The following ZNF236 variants were observed in gnomAD, a reference collection of about 807,000 sequenced individuals.
ZNF236 encodes the protein regulated by glucose.
In ZNF236, 50 loss-of-function variants were observed where a neutral mutation model predicts 191.2. That is an observed-to-expected ratio of 0.26 (90% confidence interval 0.21 to 0.33). The LOEUF (loss-of-function observed/expected upper bound fraction) is 0.33. Ranked by LOEUF, ZNF236 falls within the 10% of genes least tolerant of loss-of-function variation. ZNF236 has a pLI of 1.00. For synonymous variants in ZNF236, 907 were observed against 928.8 expected (o/e 0.98, Z 0.43); for missense variants, 1,754 against 2,374.5 (o/e 0.74, Z 5.43).
Position 76,937,361 on chromosome 18 carries a change from A to T in ZNF236, c.4782+18A>T. 1 of 1,562,078 alleles carries T rather than the reference A, an allele frequency of 6.4e-7. No individual in the cohort carries two copies. The highest frequency in any genetic ancestry group is 2.3e-5 in the East Asian group (1 of 43,948). The stretch of plus-strand genomic sequence containing the variant: ...CCTCTCAGGCAAGTGCTCCTCAGAG[A>T]GGGATGCGAAGGTCCTTTCAAAAAG... On this transcript the variant is annotated intron_variant, in intron 26 of 30. Coordinates refer to ENST00000320610, the MANE Select transcript of ZNF236 (RefSeq NM_001306089.2).
At chr18:76,865,097 G>A (rs1976368954) in intron 3 of ZNF236, among the ~76,000 whole-genome samples, 1 of 152,180 alleles carries the variant, frequency 6.6e-6, no homozygotes, top group Non-Finnish European at 1.5e-5. Context: ...AGCACTTTGG[G>A]AGGCCGAGGC....
intron 9 of ZNF236, 32 bp from the exon 10 acceptor site, chr18:76,894,981 G>A (rs1439855899): frequency 1.4e-5 from 23 of 1,601,532 alleles, no homozygotes; most frequent in Non-Finnish European, 1.9e-5. Flanking sequence ...GGGGTGTCCA[G>A]GCCAAGCGGG....
At chr18:76,943,663 G>A (rs934621231) in intron 26 of ZNF236, among the ~76,000 whole-genome samples, 6 of 152,144 alleles carry the variant, frequency 3.9e-5, no homozygotes, top group African/African-American at 1.4e-4. Flanking sequence ...CCAGAAATTG[G>A]CAAATCTTAT....
intron 1 of ZNF236, among the ~76,000 whole-genome samples, chr18:76,833,565 C>G (rs1027431255): frequency 6.6e-6 from 1 of 151,982 alleles, no homozygotes; most frequent in Non-Finnish European, 1.5e-5. Flanking sequence ...CGATATTATT[C>G]TTTTTTGTAT....
At chr18:76,918,712 G>A (rs1170942285) in intron 19 of ZNF236, among the ~76,000 whole-genome samples, 17 of 152,106 alleles carry the variant, frequency 1.1e-4, no homozygotes, top group Non-Finnish European at 2.4e-4. Context: ...GCGCCCCCAT[G>A]CCTGGTTAAT....
At chr18:76,903,819 T>G (rs1480412276) in intron 11 of ZNF236, among the ~76,000 whole-genome samples, 1 of 151,718 alleles carries the variant, frequency 6.6e-6, no homozygotes, top group East Asian at 1.9e-4. Context: ...AATTACTAAT[T>G]TTGTTATTTG....
At chr18:76,909,647 T>C (rs2122762144) in intron 14 of ZNF236, among the ~76,000 whole-genome samples, 1 of 152,356 alleles carries the variant, frequency 6.6e-6, no homozygotes, top group African/African-American at 2.4e-5. Context: ...GGCACAGGCT[T>C]CTTATCTCAC....
At chr18:76,854,599 CTT>C (rs1001272930) in intron 3 of ZNF236, among the ~76,000 whole-genome samples, 134 of 147,386 alleles carry the variant, frequency 9.1e-4, no homozygotes, top group African/African-American at 3.1e-3. Context: ...AAAAAAAAGT[CTT>C]TGGCATCTGG....
Position 76,928,097 on chromosome 18 carries a change from A to C in ZNF236, c.4585A>C (p.Thr1529Pro), listed in dbSNP as rs1222017859. Residue 1529 changes from threonine (T) to proline (P), a missense_variant, in exon 25 of 31, where the codon ACT becomes CCT. This residue lies in a region of ZNF236 where 606 missense variants were observed against 761.5 expected (regional missense o/e 0.80). Coordinates refer to ENST00000320610, the MANE Select transcript of ZNF236 (RefSeq NM_001306089.2). The part of the protein sequence containing the change: ...SSGSPQEITL[T>P]ISELNTTSGS... ...GGGGTCTCCACAGGAAATTACCCTGACTATCTCCGGTTAGTAAGTTATAAT... is the reference window on the plus strand; with the variant it reads ...GGGGTCTCCACAGGAAATTACCCTGCCTATCTCCGGTTAGTAAGTTATAAT... The C allele has an allele frequency of 6.2e-7, 1 of 1,608,772 alleles. No individual in the cohort carries two copies. The highest frequency in any genetic ancestry group is 8.5e-7 in the Non-Finnish European group (1 of 1,177,758).
chr18:76,849,655 A>G lies in ZNF236; in HGVS notation c.185A>G (p.Glu62Gly). 1.3e-6 allele frequency: 2 copies of G among 1,586,104 alleles called. No individual in the cohort carries two copies. Among genetic ancestry groups the G allele is most frequent in the Non-Finnish European group, 1.7e-6 (2 of 1,169,986 alleles). The change falls in exon 2 of 31, where the codon GAG (glutamate) becomes GGG (glycine). Residue 62 changes from glutamate to glycine, a missense_variant. Glu to Gly is a moderately conservative substitution (Grantham distance 98). Coordinates refer to ENST00000320610, the MANE Select transcript of ZNF236 (RefSeq NM_001306089.2). Reference sequence around the variant, plus strand: ...TTTCAACGCCACATGAGGGATCACGAGCGAAATGACAAGGTATGTATTTTC... The same window carrying G: ...TTTCAACGCCACATGAGGGATCACGGGCGAAATGACAAGGTATGTATTTTC... ...SQFQRHMRDH[E>G]RNDKPHRCDQ...
chr18:76,889,871 C>G (rs892953555), intron 9 of ZNF236, among the ~76,000 whole-genome samples: 4 of 152,118 alleles, frequency 2.6e-5, no homozygotes, highest in Non-Finnish European at 5.9e-5. Flanking sequence ...TGATTGTTTT[C>G]TAGGAGGATG....
Position 76,868,786 on chromosome 18 carries a change from T to TGCCTGCAAG in ZNF236, c.475_483dup (p.Ala159_Lys161dup). ...AGGAGCTGGCTGGAACCCGGCAGCA[T>TGCCTGCAAG]GCCTGCAAGGCCTGCAAGAAAGAGT... On this transcript the variant is annotated inframe_insertion, in exon 4 of 31. Coordinates refer to ENST00000320610, the MANE Select transcript of ZNF236 (RefSeq NM_001306089.2). 1.9e-6 allele frequency: 3 copies of TGCCTGCAAG among 1,613,952 alleles called. No individual in the cohort carries two copies. The highest frequency in any genetic ancestry group is 1.7e-4 in the Middle Eastern group (1 of 6,060).
chr18:76,948,167 G>A (rs1568243247), intron 27 of ZNF236, among the ~76,000 whole-genome samples: 1 of 152,104 alleles, frequency 6.6e-6, no homozygotes, highest in Non-Finnish European at 1.5e-5. Flanking sequence ...GTAAGCAATA[G>A]TCTAAATATG....
chr18:76,948,085 C>T (rs1328713586), intron 27 of ZNF236, among the ~76,000 whole-genome samples: 3 of 151,914 alleles, frequency 2.0e-5, no homozygotes, highest in Non-Finnish European at 4.4e-5. Context: ...TGTGCGCGCG[C>T]GTGTGTTCAA....
At chr18:76,857,510 CT>C (rs1976080014) in intron 3 of ZNF236, among the ~76,000 whole-genome samples, 1 of 152,202 alleles carries the variant, frequency 6.6e-6, no homozygotes, top group Non-Finnish European at 1.5e-5. Flanking sequence ...AACCACCCTC[CT>C]TCAGGTTACA....
In ZNF236 at chr18:76,968,930, T is replaced by C. The variant is rs1419672826; in HGVS notation, c.*591T>C. On this transcript the variant is annotated 3_prime_UTR_variant, in exon 31 of 31. Transcript: ENST00000320610. The stretch of plus-strand genomic sequence containing the variant: ...GAGATGGCTGGACCAATTCTCTCCA[T>C]GACAAATGTTTAATCATTAGTTACA... 9.3e-6 allele frequency: 9 copies of C among 964,988 alleles called. No homozygotes were observed. The highest frequency in any genetic ancestry group is 1.2e-4 in the East Asian group (1 of 8,642). The allele number at this position is 964,988 out of a possible 1,614,324, so 59.8% of individuals were successfully genotyped here. A position where few individuals can be genotyped will look rare whatever the true frequency, so the allele number is the denominator to read the frequency against.
intron 1 of ZNF236, chr18:76,834,751 G>A: frequency 8.8e-6 from 4 of 454,856 alleles, no homozygotes; most frequent in South Asian, 7.1e-5. Flanking sequence ...GGATGGGCAT[G>A]GATCGAACAT....
intron 10 of ZNF236, among the ~76,000 whole-genome samples, chr18:76,896,821 C>T (rs1170515307): frequency 6.6e-6 from 1 of 151,750 alleles, no homozygotes; most frequent in Admixed American, 6.6e-5. Context: ...AGGTACTGGC[C>T]ACAGGGACCA....
At chr18:76,965,735 A>T (rs547425888) in intron 30 of ZNF236, among the ~76,000 whole-genome samples, 6 of 152,328 alleles carry the variant, frequency 3.9e-5, no homozygotes, top group Non-Finnish European at 4.4e-5. Flanking sequence ...CTGTGATGTG[A>T]ACCATTCATG....
Sources: allele counts gnomAD v4.1 joint callset (sites outside exome capture counted in the v4.1 genomes callset), GRCh38; gene constraint gnomAD v4.1.1; regional missense constraint gnomAD v4.1.1; transcripts MANE v1.5; gene names NCBI Gene and HGNC (gene_info 2026-07-23, HGNC 2026-07-21).